FYN: variants seen among roughly 807,000 people sequenced by gnomAD.
The protein encoded by FYN is FYN proto-oncogene, Src family tyrosine kinase.
In FYN, 10 loss-of-function variants were observed where a neutral mutation model predicts 70.2. The ratio of observed to expected loss-of-function variants is 0.14; its 90% CI spans 0.09 to 0.24. The LOEUF is 0.24. FYN is among the 10% of genes least tolerant of loss of function. The pLI, the probability that FYN is intolerant of heterozygous loss-of-function variation, is 1.00. For missense variants in FYN, 319 were observed against 673.1 expected, an observed-to-expected ratio of 0.47 and a Z score of 5.82; for synonymous variants, 236 against 248.6, an observed-to-expected ratio of 0.95 and a Z score of 0.48.
intron 1 of FYN, among the ~76,000 whole-genome samples, chr6:111,871,553 A>T (rs1403358783): frequency 6.6e-6 from 1 of 152,226 alleles, no homozygotes; most frequent in Admixed American, 6.5e-5. Context: ...GTAAAACAAC[A>T]TCACTGGGCA....
intron 13 of FYN, among the ~76,000 whole-genome samples, chr6:111,674,051 C>T (rs1798428749): frequency 6.6e-6 from 1 of 152,182 alleles, no homozygotes; most frequent in South Asian, 2.1e-4. Context: ...GAGAACAGGT[C>T]CTGGCACCTT....
At chr6:111,765,804 G>T (rs76771191) in intron 3 of FYN, among the ~76,000 whole-genome samples, 218 of 151,220 alleles carry the variant, frequency 1.4e-3, no homozygotes, top group Middle Eastern at 6.8e-3. Flanking sequence ...CCTTGCAGCA[G>T]ATTAGACTTA....
At chr6:111,718,331 G>A (rs1032493350) in intron 4 of FYN, among the ~76,000 whole-genome samples, 1 of 152,200 alleles carries the variant, frequency 6.6e-6, no homozygotes, top group African/African-American at 2.4e-5. Context: ...AATAACTCAA[G>A]GCAGAAAAAT....
At chr6:111,797,096 A>T (rs1204445605) in intron 2 of FYN, among the ~76,000 whole-genome samples, 8 of 152,222 alleles carry the variant, frequency 5.3e-5, no homozygotes, top group Non-Finnish European at 1.2e-4. Context: ...AGATGTAATG[A>T]CAAGAGTCAG....
intron 1 of FYN, among the ~76,000 whole-genome samples, chr6:111,855,360 T>G (rs1773798001): frequency 6.6e-6 from 1 of 152,172 alleles, no homozygotes; most frequent in African/African-American, 2.4e-5. Flanking sequence ...TTTGTGATGC[T>G]AAAAATAAGG....
At chr6:111,714,289 G>C in intron 5 of FYN, 58 bp downstream of exon 5, 2 of 1,108,558 alleles carry the variant, frequency 1.8e-6, no homozygotes, top group Non-Finnish European at 2.8e-6. Context: ...GACCAGAAAT[G>C]CAAGACCCCT....
intron 1 of FYN, among the ~76,000 whole-genome samples, chr6:111,872,272 T>C (rs1291668460): frequency 2.0e-5 from 3 of 150,232 alleles, no homozygotes; most frequent in East Asian, 3.9e-4. Flanking sequence ...AAAACAGCCA[T>C]GGATCTAGGG....
At chr6:111,754,296 T>G (rs1190762834) in intron 3 of FYN, 2 of 152,192 alleles carry the variant, frequency 1.3e-5, no homozygotes, top group Non-Finnish European at 2.9e-5. Context: ...AGGGGTACTG[T>G]GCCCATGACC....
intron 3 of FYN, among the ~76,000 whole-genome samples, chr6:111,765,697 A>C (rs1803203225): frequency 6.6e-6 from 1 of 152,230 alleles, no homozygotes; most frequent in Non-Finnish European, 1.5e-5. Context: ...ACAGAGGTGA[A>C]TTTTCTAGCC....
chr6:111,661,671 G>T lies in FYN; in HGVS notation c.*68C>A. 6.9e-7 allele frequency: 1 copy of T among 1,445,824 alleles called. No individual in the cohort carries two copies. The highest frequency in any genetic ancestry group is 9.5e-7 in the Non-Finnish European group (1 of 1,050,772). The allele number at this position is 1,445,824 out of a possible 1,614,324, so 89.6% of individuals were successfully genotyped here. ...CGCTGCTGGGGAGCAGCTGGCTACGGAATTGAAAGCTAATGGGGAGGGGTG... is the reference window on the plus strand; with the variant it reads ...CGCTGCTGGGGAGCAGCTGGCTACGTAATTGAAAGCTAATGGGGAGGGGTG... On this transcript the variant is annotated 3_prime_UTR_variant, in exon 14 of 14. Coordinates refer to ENST00000354650, the MANE Select transcript of FYN (RefSeq NM_002037.5). The surrounding 1 kb of genome is among the most constrained non-coding windows in gnomAD (Gnocchi z 4.0).
chr6:111,867,594 T>C (rs1419881629), intron 1 of FYN, among the ~76,000 whole-genome samples: 1 of 151,932 alleles, frequency 6.6e-6, no homozygotes, highest in Non-Finnish European at 1.5e-5. Context: ...ACCTGCCCCC[T>C]GCTTTCCTTA....
intron 3 of FYN, among the ~76,000 whole-genome samples, chr6:111,775,548 T>C (rs1194628188): frequency 6.6e-6 from 1 of 152,188 alleles, no homozygotes; most frequent in Admixed American, 6.5e-5. Context: ...TCTTTAAATA[T>C]GTAAGTGACG....
chr6:111,799,055 C>T (rs1454500863), intron 2 of FYN, among the ~76,000 whole-genome samples: 3 of 152,078 alleles, frequency 2.0e-5, no homozygotes, highest in Non-Finnish European at 4.4e-5. Flanking sequence ...ATTCCAAGGA[C>T]AAATCTAGGT....
intron 1 of FYN, among the ~76,000 whole-genome samples, chr6:111,851,380 G>A (rs114401978): frequency 0.031 from 4,688 of 152,132 alleles, 154 homozygotes; most frequent in African/African-American, 0.076. Flanking sequence ...TTTCCTTTTG[G>A]GCCAGTTTTT....
intron 13 of FYN, among the ~76,000 whole-genome samples, chr6:111,671,629 C>T (rs775094697): frequency 1.6e-4 from 24 of 152,176 alleles, no homozygotes; most frequent in Non-Finnish European, 2.8e-4. Flanking sequence ...CATGACGGAC[C>T]GGGACTGGGA....
intron 3 of FYN, among the ~76,000 whole-genome samples, chr6:111,751,591 A>C (rs1040383593): frequency 6.6e-6 from 1 of 151,712 alleles, no homozygotes; most frequent in South Asian, 2.1e-4. Context: ...TATAGGACAG[A>C]TGTGCAGAAG....
At chr6:111,765,076 T>G (rs1359662939) in intron 3 of FYN, among the ~76,000 whole-genome samples, 2 of 151,976 alleles carry the variant, frequency 1.3e-5, no homozygotes, top group African/African-American at 4.8e-5. Context: ...GCAAGGCCAT[T>G]TGCTATCCTG....
intron 13 of FYN, among the ~76,000 whole-genome samples, chr6:111,673,632 T>TTTTTTTTTTTTTTG: frequency 6.7e-6 from 1 of 149,124 alleles, no homozygotes; most frequent in Non-Finnish European, 1.5e-5. Flanking sequence ...GTTTTTTTTT[T>TTTTTTTTTTTTTTG]TTTTTTTTTC....
At chr6:111,815,152 GA>G (rs1236244992) in intron 2 of FYN, among the ~76,000 whole-genome samples, 6 of 151,972 alleles carry the variant, frequency 3.9e-5, no homozygotes, top group Non-Finnish European at 7.4e-5. Flanking sequence ...GGAGAGCTGA[GA>G]AAGGTTCAGA....
Sources: allele counts gnomAD v4.1 joint callset (sites outside exome capture counted in the v4.1 genomes callset), GRCh38; gene constraint gnomAD v4.1.1; non-coding constraint Gnocchi (gnomAD v3.1); transcripts MANE v1.5; gene names NCBI Gene and HGNC (gene_info 2026-07-23, HGNC 2026-07-21).